The following MEIOC variants were observed in gnomAD, a reference collection of about 807,000 sequenced individuals.
The protein encoded by MEIOC is meiosis-specific coiled-coil domain-containing protein MEIOC.
MEIOC carries 9 observed loss-of-function variants against 85.3 expected under a neutral mutation model. That is an observed-to-expected ratio of 0.11 (90% CI 0.06 to 0.18). The LOEUF is 0.18. Among genes scored for constraint, MEIOC ranks in the 10% least tolerant of loss-of-function variants. MEIOC has a pLI of 1.00. For synonymous variants in MEIOC, 365 were observed against 393.7 expected, an observed-to-expected ratio of 0.93 and a Z score of 0.86; for missense variants, 898 against 1,129.4, an observed-to-expected ratio of 0.80 and a Z score of 2.94.
intron 6 of MEIOC, among the ~76,000 whole-genome samples, chr17:44,671,618 A>C (rs1271375332): frequency 6.6e-6 from 1 of 150,452 alleles, no homozygotes; most frequent in African/African-American, 2.5e-5. Context: ...TTTTAAAATT[A>C]CATTTTCGCC....
rs1353574865 is a variant in MEIOC, at chr17:44,675,120, T to C, written c.*924T>C. The C allele has an allele frequency of 1.0e-6, 1 of 984,818 alleles. No individual in the cohort carries two copies. The highest frequency in any genetic ancestry group is 1.7e-5 in the African/African-American group (1 of 57,224). 61.0% of individuals were successfully genotyped at this position (984,818 alleles called of 1,614,324 possible). On this transcript the variant is annotated 3_prime_UTR_variant, in exon 8 of 8. Transcript: ENST00000409122. The stretch of plus-strand genomic sequence containing the variant: ...TCTAACTAGTTTAGCTTGCAATTGG[T>C]TAGTGTATATTTTGTGTAGTTGTGT...
In MEIOC at chr17:44,656,652, C is replaced by G; in HGVS notation, c.39C>G (p.His13Gln). The change falls in exon 1 of 8, where the codon CAC (histidine) becomes CAG (glutamine). Residue 13 changes from histidine to glutamine, a missense_variant. Coordinates refer to ENST00000409122, the MANE Select transcript of MEIOC (RefSeq NM_001145080.3). ...VRRGDTCPRP[H>Q]PSGLREEGLE... ...GCGGAGACACCTGCCCGCGCCCTCACCCCTCAGGCCTGAGGGAGGAAGGAC... is the reference window on the plus strand; with the variant it reads ...GCGGAGACACCTGCCCGCGCCCTCAGCCCTCAGGCCTGAGGGAGGAAGGAC... 2 of 1,489,580 alleles carry G rather than the reference C, an allele frequency of 1.3e-6. No homozygotes were observed. Among genetic ancestry groups the G allele is most frequent in the Non-Finnish European group, 1.8e-6 (2 of 1,119,158 alleles). 92.3% of individuals were successfully genotyped at this position (1,489,580 alleles called of 1,614,324 possible).
At position 44,667,582 on chromosome 17, in the gene MEIOC, A is replaced by G. The variant is rs1241167275; in HGVS notation, c.1671A>G (p.Gln557=). The part of the protein sequence containing the change: ...DFSYSGAERI[Q]SVNHIEGLTK... Reference sequence around the variant, plus strand: ...GTTACAGTGGTGCAGAAAGAATCCAATCTGTCAATCACATAGAAGGACTAA... The same window carrying G: ...GTTACAGTGGTGCAGAAAGAATCCAGTCTGTCAATCACATAGAAGGACTAA... The change falls in exon 5 of 8, where the codon CAA becomes CAG. Residue 557 remains glutamine, a synonymous_variant. Transcript: ENST00000409122. 10 of 1,613,840 alleles carry G rather than the reference A, an allele frequency of 6.2e-6. No homozygotes were observed. The South Asian group carries it at 1.1e-4, about 18-fold the overall frequency.
chr17:44,656,991 G>A, intron 1 of MEIOC, 136 bp from the exon 2 acceptor site: 1 of 1,032,184 alleles, frequency 9.7e-7, no homozygotes, highest in Non-Finnish European at 1.4e-6. Context: ...TGGAAGCGCG[G>A]GCCCCCACAT....
In MEIOC at chr17:44,673,347, T is replaced by C. The variant is rs1598730713; in HGVS notation, c.2458-19T>C. 1.3e-6 allele frequency: 2 copies of C among 1,520,174 alleles called. No homozygotes were observed. The highest frequency in any genetic ancestry group is 1.4e-5 in the African/African-American group (1 of 71,256). 94.2% of individuals were successfully genotyped at this position (1,520,174 alleles called of 1,614,324 possible). ...AATGGCAGGACATGTCTTATCAAAA[T>C]TTAAAATGCTTCCCTCAGGTTGTGA... On this transcript the variant is annotated intron_variant, in intron 6 of 7. Transcript: ENST00000409122.
At position 44,656,989 on chromosome 17, in the gene MEIOC, C is replaced by A. The variant is rs577932135; in HGVS notation, c.70-138C>A. 871 of 1,019,894 alleles carry A rather than the reference C, an allele frequency of 8.5e-4. 5 individuals are homozygous for A. Among genetic ancestry groups the A allele is most frequent in the South Asian group, 9.2e-4 (49 of 53,398 alleles). The allele number at this position is 1,019,894 out of a possible 1,614,324, so 63.2% of individuals were successfully genotyped here. A position where few individuals can be genotyped will look rare whatever the true frequency, so the allele number is the denominator to read the frequency against. ...AGTGAGAATCCCGAGGCTGGAAGCGCGGGCCCCCACATTCGTGTCCTCTGA... is the reference window on the plus strand; with the variant it reads ...AGTGAGAATCCCGAGGCTGGAAGCGAGGGCCCCCACATTCGTGTCCTCTGA... On this transcript the variant is annotated intron_variant, in intron 1 of 7. Transcript: ENST00000409122.
intron 5 of MEIOC, among the ~76,000 whole-genome samples, 180 bp from the exon 6 acceptor site, chr17:44,669,202 GA>G (rs1020660485): frequency 4.1e-5 from 6 of 147,460 alleles, no homozygotes; most frequent in South Asian, 2.2e-4. Context: ...GACTCCATCT[GA>G]AAAAAAAAAG....
intron 2 of MEIOC, among the ~76,000 whole-genome samples, chr17:44,657,716 G>C (rs1380047615): frequency 1.3e-5 from 2 of 151,948 alleles, no homozygotes; most frequent in African/African-American, 4.8e-5. Context: ...ACCACGCCTG[G>C]CTAATTTTGT....
chr17:44,661,237 G>A (rs990166941), intron 2 of MEIOC, among the ~76,000 whole-genome samples: 1 of 132,022 alleles, frequency 7.6e-6, no homozygotes, highest in Non-Finnish European at 1.5e-5. Flanking sequence ...GCAGTGAGCC[G>A]AGATCTCGCC....
chr17:44,665,496 T>C lies in MEIOC; in HGVS notation c.464+8T>C, dbSNP rs1971891804. 1 of 1,449,370 alleles carries C rather than the reference T, an allele frequency of 6.9e-7. No individual in the cohort carries two copies. Among genetic ancestry groups the C allele is most frequent in the Non-Finnish European group, 9.4e-7 (1 of 1,063,160 alleles). 89.8% of individuals were successfully genotyped at this position (1,449,370 alleles called of 1,614,324 possible). ...GCCATATTTTGCTGAAGGGTTAGTATATAATCTATATAGTATATAACAGGC... is the reference window on the plus strand; with the variant it reads ...GCCATATTTTGCTGAAGGGTTAGTACATAATCTATATAGTATATAACAGGC... On this transcript the variant is annotated splice_region_variant and intron_variant, in intron 4 of 7. Transcript: ENST00000409122.
At chr17:44,656,922 G>C (rs574233671) in intron 1 of MEIOC, among the ~76,000 whole-genome samples, 44 of 152,056 alleles carry the variant, frequency 2.9e-4, no homozygotes, top group African/African-American at 8.9e-4. Flanking sequence ...TGGCCGGGGA[G>C]GGGCGCCCCT....
chr17:44,667,575 G>A lies in MEIOC; in HGVS notation c.1664G>A (p.Arg555Lys). Residue 555 changes from arginine to lysine, a missense_variant, in exon 5 of 8, where the codon AGA (arginine) becomes AAA (lysine). Coordinates refer to ENST00000409122, the MANE Select transcript of MEIOC (RefSeq NM_001145080.3). ...SFDFSYSGAE[R>K]IQSVNHIEGL... ...GATTTTAGTTACAGTGGTGCAGAAAGAATCCAATCTGTCAATCACATAGAA... is the reference window on the plus strand; with the variant it reads ...GATTTTAGTTACAGTGGTGCAGAAAAAATCCAATCTGTCAATCACATAGAA... 1 of 1,613,786 alleles carries A rather than the reference G, an allele frequency of 6.2e-7. No homozygotes were observed. The highest frequency in any genetic ancestry group is 8.5e-7 in the Non-Finnish European group (1 of 1,179,826).
Position 44,667,056 on chromosome 17 carries a change from TGGA to T in MEIOC, c.1150_1152del (p.Glu384del), listed in dbSNP as rs780789280. ...GTTAAGCCAGCGAATCAGAAAAAAA[TGGA>T]GGAGACAATCCCTGATCAGCAGAAT... On this transcript the variant is annotated inframe_deletion, in exon 5 of 8. Transcript: ENST00000409122. The T allele has an allele frequency of 2.4e-5, 38 of 1,613,472 alleles. No individual in the cohort carries two copies. The highest frequency in any genetic ancestry group is 2.8e-5 in the Non-Finnish European group (33 of 1,179,764).
intron 2 of MEIOC, among the ~76,000 whole-genome samples, chr17:44,657,844 C>T (rs1322584523): frequency 6.9e-6 from 1 of 144,860 alleles, no homozygotes; most frequent in Non-Finnish European, 1.5e-5. Context: ...TGAGCCACCG[C>T]GTCCAGCCGT....
intron 2 of MEIOC, among the ~76,000 whole-genome samples, chr17:44,660,253 T>C (rs1277577902): frequency 6.6e-6 from 1 of 151,990 alleles, no homozygotes; most frequent in Non-Finnish European, 1.5e-5. Flanking sequence ...TTTATTTATT[T>C]ATTTTGAGAT....
intron 3 of MEIOC, among the ~76,000 whole-genome samples, chr17:44,663,202 CAGATGCTTTT>C (rs1238141531): frequency 1.5e-4 from 23 of 152,162 alleles, no homozygotes; most frequent in African/African-American, 5.5e-4. Context: ...CCCTGTACAT[CAGATGCTTTT>C]CTATGGGGGA....
intron 3 of MEIOC, among the ~76,000 whole-genome samples, chr17:44,664,490 TCAAAA>T (rs1308284911): frequency 6.6e-6 from 1 of 152,150 alleles, no homozygotes; most frequent in Non-Finnish European, 1.5e-5. Flanking sequence ...GACATGATGC[TCAAAA>T]CAAATGCTCA....
chr17:44,657,065 T>G, intron 1 of MEIOC, 62 bp from the exon 2 acceptor site: 1 of 1,512,094 alleles, frequency 6.6e-7, no homozygotes, highest in Non-Finnish European at 8.9e-7. Flanking sequence ...TGTCGGGCCG[T>G]TTCAGCTCCG....
At chr17:44,672,677 G>C (rs1029493476) in intron 6 of MEIOC, among the ~76,000 whole-genome samples, 3 of 152,154 alleles carry the variant, frequency 2.0e-5, no homozygotes, top group Admixed American at 2.0e-4. Context: ...TTTAGAATTT[G>C]AAACAAGTTA....
Sources: gnomAD v4.1 joint callset for allele counts (sites outside exome capture counted in the v4.1 genomes callset) on GRCh38, gnomAD v4.1.1 for gene constraint, MANE v1.5 for transcripts, NCBI Gene and HGNC (gene_info 2026-07-23, HGNC 2026-07-21) for gene names.